Variants in EXOC4 observed in about 807,000 individuals in gnomAD.
EXOC4 encodes the protein SEC8-like 1.
A neutral mutation model predicts 107.2 loss-of-function variants in EXOC4; 71 were observed. The observed-to-expected ratio is 0.66, with a 90% CI of 0.55 to 0.81. The LOEUF is 0.81. EXOC4 is among the 30% of genes least tolerant of loss of function. EXOC4 has a pLI of 0.00. For missense variants in EXOC4, 1,108 were observed against 1,189.6 expected (o/e 0.93, Z 1.01); for synonymous variants, 456 against 441.2 (o/e 1.03, Z -0.42).
At chr7:133,372,922 A>G (rs1796409483) in intron 6 of EXOC4, among the ~76,000 whole-genome samples, 1 of 152,250 alleles carries the variant, frequency 6.6e-6, no homozygotes, top group Non-Finnish European at 1.5e-5. Flanking sequence ...TTTTCCTATC[A>G]AGAGAGTACA....
chr7:133,563,975 T>A (rs186805010), intron 9 of EXOC4, among the ~76,000 whole-genome samples: 13 of 152,350 alleles, frequency 8.5e-5, no homozygotes, highest in Admixed American at 6.5e-4. Context: ...AAGGAAGGGC[T>A]GAGAATGTTT....
intron 10 of EXOC4, among the ~76,000 whole-genome samples, chr7:133,796,612 G>T (rs1796820870): frequency 6.6e-6 from 1 of 152,084 alleles, no homozygotes; most frequent in East Asian, 1.9e-4. Flanking sequence ...ATAAAAATTA[G>T]CTGGGCGTGG....
chr7:133,884,963 A>G (rs772761597), intron 11 of EXOC4, among the ~76,000 whole-genome samples: 1 of 152,188 alleles, frequency 6.6e-6, no homozygotes, highest in Non-Finnish European at 1.5e-5. Flanking sequence ...ACTATTGTAG[A>G]AATACCCAAG....
intron 10 of EXOC4, among the ~76,000 whole-genome samples, chr7:133,644,246 C>G (rs1338184792): frequency 6.6e-6 from 1 of 152,210 alleles, no homozygotes; most frequent in Non-Finnish European, 1.5e-5. Flanking sequence ...TGCCAGAGCT[C>G]TACAGAAGTC....
intron 7 of EXOC4, among the ~76,000 whole-genome samples, chr7:133,388,250 G>A (rs1050769760): frequency 5.3e-5 from 8 of 151,926 alleles, no homozygotes; most frequent in African/African-American, 9.7e-5. Context: ...CTATCCCTCC[G>A]TATTTCCCTC....
At chr7:133,325,262 G>T (rs967563720) in intron 5 of EXOC4, among the ~76,000 whole-genome samples, 1 of 152,188 alleles carries the variant, frequency 6.6e-6, no homozygotes, top group South Asian at 2.1e-4. Context: ...TATGATGTTA[G>T]CTGGTTATTT....
intron 9 of EXOC4, among the ~76,000 whole-genome samples, chr7:133,609,765 G>C (rs1420906893): frequency 6.6e-6 from 1 of 152,202 alleles, no homozygotes; most frequent in East Asian, 1.9e-4. Context: ...AGCCAATGGT[G>C]CACATCTCTT....
At chr7:133,696,905 T>C (rs1249556495) in intron 10 of EXOC4, among the ~76,000 whole-genome samples, 1 of 152,254 alleles carries the variant, frequency 6.6e-6, no homozygotes, top group Non-Finnish European at 1.5e-5. Context: ...ATTTTACAAA[T>C]GGCTCAATTA....
intron 10 of EXOC4, among the ~76,000 whole-genome samples, chr7:133,751,453 A>G (rs1795791454): frequency 6.6e-6 from 1 of 152,080 alleles, no homozygotes; most frequent in Non-Finnish European, 1.5e-5. Flanking sequence ...CCTCCACCCA[A>G]AGTTGATTTG....
intron 14 of EXOC4, among the ~76,000 whole-genome samples, chr7:133,966,885 A>T (rs891447150): frequency 6.6e-6 from 1 of 152,150 alleles, no homozygotes; most frequent in Non-Finnish European, 1.5e-5. Context: ...TGTTTGGAAT[A>T]GTTTCATAAG....
intron 7 of EXOC4, among the ~76,000 whole-genome samples, chr7:133,388,562 A>G (rs1796780521): frequency 6.6e-6 from 1 of 152,108 alleles, no homozygotes; most frequent in African/African-American, 2.4e-5. Flanking sequence ...AGGCAGGAGA[A>G]TCGCTTGAAC....
At chr7:133,902,987 GC>G (rs1437370548) in intron 12 of EXOC4, among the ~76,000 whole-genome samples, 18 of 152,336 alleles carry the variant, frequency 1.2e-4, no homozygotes, top group African/African-American at 4.3e-4. Context: ...CCCCAGGGAG[GC>G]TCTGTTGAGT....
chr7:133,499,294 G>GGTAT (rs1365592225), intron 9 of EXOC4, among the ~76,000 whole-genome samples: 1 of 151,746 alleles, frequency 6.6e-6, no homozygotes, highest in Non-Finnish European at 1.5e-5. Flanking sequence ...ACCAATCACT[G>GGTAT]GTATAGTAAG....
chr7:133,253,284 C>G (rs1240173021), intron 1 of EXOC4, 97 bp downstream of exon 1: 4 of 1,384,692 alleles, frequency 2.9e-6, no homozygotes, highest in Non-Finnish European at 3.7e-6. Context: ...CCCTGCTCTC[C>G]CCTTTCCTCC....
chr7:133,766,732 A>C (rs1796145614), intron 10 of EXOC4, among the ~76,000 whole-genome samples: 1 of 152,018 alleles, frequency 6.6e-6, no homozygotes, highest in Admixed American at 6.6e-5. Flanking sequence ...TGATTCTCAA[A>C]GACCTAATTA....
At chr7:133,772,543 T>C (rs1796266232) in intron 10 of EXOC4, among the ~76,000 whole-genome samples, 1 of 148,524 alleles carries the variant, frequency 6.7e-6, no homozygotes. Context: ...AAAAAAAACC[T>C]TAAATTTGAA....
At chr7:133,611,592 A>G (rs1404346155) in intron 9 of EXOC4, among the ~76,000 whole-genome samples, 2 of 151,916 alleles carry the variant, frequency 1.3e-5, no homozygotes, top group African/African-American at 4.8e-5. Flanking sequence ...CTTCATCCCT[A>G]GTCTTCTACA....
intron 7 of EXOC4, among the ~76,000 whole-genome samples, chr7:133,451,149 A>G (rs1037542374): frequency 6.6e-6 from 1 of 151,990 alleles, no homozygotes; most frequent in Non-Finnish European, 1.5e-5. Context: ...TTGACCTTGT[A>G]TTTAGTGGAG....
At chr7:133,481,448 A>C (rs1799155419) in intron 9 of EXOC4, among the ~76,000 whole-genome samples, 1 of 152,158 alleles carries the variant, frequency 6.6e-6, no homozygotes, top group African/African-American at 2.4e-5. Context: ...TGTGTAATTA[A>C]ATATTTAGTC....
Sources: gnomAD v4.1 joint callset for allele counts (sites outside exome capture counted in the v4.1 genomes callset) on GRCh38, gnomAD v4.1.1 for gene constraint, MANE v1.5 for transcripts, NCBI Gene and HGNC (gene_info 2026-07-23, HGNC 2026-07-21) for gene names.